The following PUM2 variants were observed in gnomAD, a reference collection of about 807,000 sequenced individuals.
PUM2 encodes pumilio RNA binding family member 2.
A neutral mutation model predicts 124.5 loss-of-function variants in PUM2; 57 were observed. That is an observed-to-expected ratio of 0.46 (90% CI 0.37 to 0.57). The LOEUF (loss-of-function observed/expected upper bound fraction) is 0.57, where lower values mean the gene tolerates loss of function less well. Among genes scored for constraint, PUM2 ranks in the 20% least tolerant of loss-of-function variants. The pLI, the probability that PUM2 is intolerant of heterozygous loss-of-function variation, is 0.00. For synonymous variants in PUM2, 460 were observed against 446.1 expected, an observed-to-expected ratio of 1.03 and a Z score of -0.39; for missense variants, 1,065 against 1,290.6, an observed-to-expected ratio of 0.83 and a Z score of 2.68.
chr2:20,333,345 G>C (rs1219484323), intron 1 of PUM2, among the ~76,000 whole-genome samples: 1 of 151,700 alleles, frequency 6.6e-6, no homozygotes, highest in African/African-American at 2.4e-5. Flanking sequence ...GACCATCCTT[G>C]GCAACATAGG....
intron 13 of PUM2, among the ~76,000 whole-genome samples, chr2:20,274,956 C>CTAAAAAAAAAAAAAAAA (rs1669858427): frequency 1.6e-3 from 1 of 612 alleles, no homozygotes; most frequent in Non-Finnish European, 5.3e-3. Flanking sequence ...TGAAGTATCT[C>CTAAAAAAAAAAAAAAAA]CAAAAAAAAA....
intron 13 of PUM2, among the ~76,000 whole-genome samples, chr2:20,272,522 G>A (rs563147387): frequency 1.2e-4 from 19 of 152,184 alleles, no homozygotes; most frequent in South Asian, 4.1e-4. Flanking sequence ...ACTCTGTTCC[G>A]CTGTTCTATT....
chr2:20,344,214 C>T (rs935134402), intron 1 of PUM2, among the ~76,000 whole-genome samples: 1 of 152,078 alleles, frequency 6.6e-6, no homozygotes. Context: ...ACTACAGACG[C>T]GAGCCACCAT....
chr2:20,262,113 A>G (rs1167314978), intron 14 of PUM2, among the ~76,000 whole-genome samples: 1 of 152,188 alleles, frequency 6.6e-6, no homozygotes, highest in African/African-American at 2.4e-5. Context: ...GAGAAGTTAC[A>G]TTAAGGTTAA....
Position 20,308,458 on chromosome 2 carries a change from T to G in PUM2, c.645A>C (p.Glu215Asp). The G allele has an allele frequency of 6.2e-7, 1 of 1,614,116 alleles. No homozygotes were observed. Among genetic ancestry groups the G allele is most frequent in the Non-Finnish European group, 8.5e-7 (1 of 1,179,990 alleles). ...GATTCTGAGTTTCAGGATTTGAAAATTCTTCAACAAGTGGTTTATTAGCTG... is the reference window on the plus strand; with the variant it reads ...GATTCTGAGTTTCAGGATTTGAAAAGTCTTCAACAAGTGGTTTATTAGCTG... ...NPTANKPLVE[E>D]FSNPETQNLD... The change falls in exon 6 of 21, where the codon GAA becomes GAC. Residue 215 changes from glutamate (E) to aspartate (D), a missense_variant. Physicochemically the swap from Glu to Asp is conservative, Grantham distance 45 (BLOSUM62 2). Around this residue, in one of 3 missense-constraint regions of PUM2, gnomAD observed 968 missense variants for 1,159.8 expected, o/e 0.83. Coordinates refer to ENST00000361078, the MANE Select transcript of PUM2 (RefSeq NM_015317.5).
chr2:20,351,473 C>A (rs1021881595), upstream of PUM2, among the ~76,000 whole-genome samples: 1 of 152,202 alleles, frequency 6.6e-6, no homozygotes, highest in Non-Finnish European at 1.5e-5. Flanking sequence ...TGCTTGGTCC[C>A]GGTGCACACA....
intron 2 of PUM2, among the ~76,000 whole-genome samples, chr2:20,319,449 G>A (rs1681781679): frequency 6.6e-6 from 1 of 152,172 alleles, no homozygotes; most frequent in Non-Finnish European, 1.5e-5. Flanking sequence ...CAACTCTTAA[G>A]TAGGTGTCCA....
intron 13 of PUM2, among the ~76,000 whole-genome samples, 167 bp downstream of exon 13, chr2:20,278,416 T>G (rs547120846): frequency 3.3e-5 from 5 of 152,102 alleles, no homozygotes; most frequent in African/African-American, 4.8e-5. Context: ...GACCCTCACT[T>G]TGAATTTTCA....
Position 20,255,449 on chromosome 2 carries a change from T to C in PUM2, c.2623-108A>G, listed in dbSNP as rs1363836199. On this transcript the variant is annotated intron_variant, in intron 17 of 20. Transcript: ENST00000361078. ...TTTTTTGACAACACCTAAAAGCAGTTTGAAATAGAAGGGTGATGAACTCAC... is the reference window on the plus strand; with the variant it reads ...TTTTTTGACAACACCTAAAAGCAGTCTGAAATAGAAGGGTGATGAACTCAC... 1.8e-5 allele frequency: 20 copies of C among 1,142,438 alleles called. No individual in the cohort carries two copies. In the East Asian group the frequency reaches 4.4e-4, roughly 25 times the overall value. The allele number at this position is 1,142,438 out of a possible 1,614,324, so 70.8% of individuals were successfully genotyped here. A position where few individuals can be genotyped will look rare whatever the true frequency, so the allele number is the denominator to read the frequency against.
At chr2:20,295,082 T>C (rs1675190683) in intron 8 of PUM2, among the ~76,000 whole-genome samples, 2 of 152,098 alleles carry the variant, frequency 1.3e-5, no homozygotes, top group African/African-American at 4.8e-5. Flanking sequence ...AAATGAGACG[T>C]CAGCATTTAT....
intron 10 of PUM2, among the ~76,000 whole-genome samples, chr2:20,287,570 A>G (rs1673026964): frequency 6.6e-6 from 1 of 152,208 alleles, no homozygotes. Context: ...GGGTAACAGT[A>G]TATGGTCTAG....
intron 1 of PUM2, among the ~76,000 whole-genome samples, chr2:20,328,915 T>C (rs2148884040): frequency 6.6e-6 from 1 of 152,316 alleles, no homozygotes; most frequent in Middle Eastern, 3.4e-3. Flanking sequence ...CTCATGCCTA[T>C]AATCCCAGCA....
At chr2:20,308,117 C>A in intron 6 of PUM2, 46 bp from the exon 7 acceptor site, 2 of 1,568,592 alleles carry the variant, frequency 1.3e-6, no homozygotes, top group South Asian at 1.1e-5. Context: ...CAAAATCTTT[C>A]ATTTCTAATT....
intron 7 of PUM2, 131 bp downstream of exon 7, chr2:20,307,847 T>C (rs1247959413): frequency 5.0e-6 from 6 of 1,204,782 alleles, no homozygotes; most frequent in East Asian, 2.6e-5. Flanking sequence ...ACCTTTGTCA[T>C]ACAACCTATT....
At chr2:20,258,219 A>C in intron 16 of PUM2, 24 bp downstream of exon 16, 1 of 1,552,982 alleles carries the variant, frequency 6.4e-7, no homozygotes, top group Admixed American at 2.0e-5. Context: ...ATAATACAAA[A>C]ATTTTGTCTT....
In PUM2 at chr2:20,327,395, A is replaced by C. The variant is rs1259283950; in HGVS notation, c.-18-17T>G. 1 of 1,485,728 alleles carries C rather than the reference A, an allele frequency of 6.7e-7. No homozygotes were observed. The highest frequency in any genetic ancestry group is 1.4e-5 in the African/African-American group (1 of 71,072). The allele number at this position is 1,485,728 out of a possible 1,614,324, so 92.0% of individuals were successfully genotyped here. ...AGATCAAACCTGTTGAATAACAAAA[A>C]CAAAAATTAGTACAAAGAAATGTTT... On this transcript the variant is annotated splice_polypyrimidine_tract_variant and intron_variant, in intron 1 of 20. Coordinates refer to ENST00000361078, the MANE Select transcript of PUM2 (RefSeq NM_015317.5).
chr2:20,291,529 G>A (rs530338980), intron 9 of PUM2, among the ~76,000 whole-genome samples: 2 of 152,258 alleles, frequency 1.3e-5, no homozygotes, highest in East Asian at 1.9e-4. Flanking sequence ...TCAAGTCCTC[G>A]TCACCCTTAG....
chr2:20,252,990 A>G (rs1663822735), intron 20 of PUM2, among the ~76,000 whole-genome samples: 2 of 152,174 alleles, frequency 1.3e-5, no homozygotes, highest in South Asian at 4.1e-4. Context: ...AGTATATGGG[A>G]GGATATGTTT....
In PUM2 at chr2:20,318,618, G is replaced by A; in HGVS notation, c.79C>T (p.Pro27Ser). The A allele has an allele frequency of 6.2e-7, 1 of 1,613,324 alleles. No homozygotes were observed. Among genetic ancestry groups the A allele is most frequent in the South Asian group, 1.1e-5 (1 of 90,994 alleles). Reference protein sequence around the residue: ...ELLPTKKFWEPDDSTKDGQKG... With the variant: ...ELLPTKKFWESDDSTKDGQKG... ...TGTCCATCTTTTGTTGAATCATCAG[G>A]TTCCCAAAACTTTTTGGTAGGCAAA... The change falls in exon 3 of 21, where the codon CCT becomes TCT. Residue 27 changes from proline (P) to serine (S), a missense_variant. Physicochemically the swap from Pro to Ser is moderately conservative, Grantham distance 74. This residue lies in a region of PUM2 where 90 missense variants were observed against 103.6 expected (regional missense o/e 0.87). Coordinates refer to ENST00000361078, the MANE Select transcript of PUM2 (RefSeq NM_015317.5).
Sources: gnomAD v4.1 joint callset for allele counts (sites outside exome capture counted in the v4.1 genomes callset) on GRCh38, gnomAD v4.1.1 for gene constraint, gnomAD v4.1.1 regional missense constraint, MANE v1.5 for transcripts, NCBI Gene and HGNC (gene_info 2026-07-23, HGNC 2026-07-21) for gene names.